ANXA13: variants seen among roughly 807,000 people sequenced by gnomAD.
ANXA13 encodes the protein annexin XIII.
A neutral mutation model predicts 46.6 loss-of-function variants in ANXA13; 36 were observed. That is an observed-to-expected ratio of 0.77 (90% confidence interval 0.59 to 1.02). ANXA13 has a LOEUF of 1.02. ANXA13 is among the 50% of genes least tolerant of loss of function. The pLI is 0.00. For synonymous variants in ANXA13, 163 were observed against 152.9 expected (o/e 1.07, Z -0.49); for missense variants, 417 against 396.5 (o/e 1.05, Z -0.44).
At chr8:123,685,168 C>T (rs1813118203) in intron 9 of ANXA13, among the ~76,000 whole-genome samples, 1 of 152,186 alleles carries the variant, frequency 6.6e-6, no homozygotes, top group African/African-American at 2.4e-5. Flanking sequence ...AACAACCTCC[C>T]TACTCTTTGT....
At chr8:123,716,550 T>C (rs1813762335) in intron 1 of ANXA13, among the ~76,000 whole-genome samples, 1 of 152,088 alleles carries the variant, frequency 6.6e-6, no homozygotes, top group South Asian at 2.1e-4. Flanking sequence ...GGATATTTGA[T>C]GTCGAAGTGA....
Position 123,733,497 on chromosome 8 carries a change from C to T in ANXA13, c.15+3823G>A, listed in dbSNP as rs117473519. Among the ~76,000 whole-genome samples, 2,778 of 152,276 alleles carry T rather than the reference C, an allele frequency of 0.018. 165 individuals are homozygous for T. In the East Asian group the frequency reaches 0.19, roughly 10 times the overall value. On this transcript the variant is annotated intron_variant, in intron 1 of 10. Transcript: ENST00000419625. ...CTGAGTGTTCACCTTGCCTGGTGTTCACCTGCCACAAGTCCCAAACTGTTC... is the reference window on the plus strand; with the variant it reads ...CTGAGTGTTCACCTTGCCTGGTGTTTACCTGCCACAAGTCCCAAACTGTTC...
At position 123,688,895 on chromosome 8, in the gene ANXA13, A is replaced by C. The variant is rs201252513; in HGVS notation, c.694T>G (p.Leu232Val). The C allele has an allele frequency of 6.2e-7, 1 of 1,613,880 alleles. No homozygotes were observed. The highest frequency in any genetic ancestry group is 2.2e-5 in the East Asian group (1 of 44,872). The change falls in exon 9 of 11, where the codon TTG (leucine) becomes GTG (valine). Residue 232 changes from leucine to valine, a missense_variant. By Grantham distance (32) the Leu-to-Val change is conservative. Coordinates refer to ENST00000419625, the MANE Select transcript of ANXA13 (RefSeq NM_004306.4). ...CCGAGAGTTAAATAGGCCTTCTGCA[A>C]GTCGCCTGATGTTTCTTCTTCAATG... Reference protein sequence around the residue: ...EAIEEETSGDLQKAYLTLVRC... With the variant: ...EAIEEETSGDVQKAYLTLVRC...
intron 2 of ANXA13, among the ~76,000 whole-genome samples, chr8:123,704,639 C>T (rs1586324199): frequency 6.6e-6 from 1 of 152,086 alleles, no homozygotes; most frequent in Non-Finnish European, 1.5e-5. Flanking sequence ...TCAGGTGATC[C>T]ACCTGCCTCA....
chr8:123,702,845 G>A (rs1813469751), intron 2 of ANXA13, 109 bp from the exon 3 acceptor site: 4 of 962,586 alleles, frequency 4.2e-6, no homozygotes, highest in East Asian at 2.4e-5. Context: ...GGTGGTTGGA[G>A]GTGTCTATGG....
chr8:123,699,244 A>G (rs1284342040), intron 3 of ANXA13, among the ~76,000 whole-genome samples: 1 of 152,136 alleles, frequency 6.6e-6, no homozygotes, highest in East Asian at 1.9e-4. Context: ...CAGTGGTGCA[A>G]TCATGGCTCA....
intron 1 of ANXA13, among the ~76,000 whole-genome samples, chr8:123,735,037 T>G (rs754445178): frequency 6.8e-6 from 1 of 147,126 alleles, no homozygotes; most frequent in Non-Finnish European, 1.5e-5. Context: ...AACTCAGAAG[T>G]CACATACCAC....
At chr8:123,705,614 C>T (rs946679850) in intron 2 of ANXA13, among the ~76,000 whole-genome samples, 2 of 152,220 alleles carry the variant, frequency 1.3e-5, no homozygotes, top group Non-Finnish European at 2.9e-5. Context: ...TAGGGAGTGG[C>T]CACTACATGG....
At chr8:123,732,040 G>A (rs1814128600) in intron 1 of ANXA13, among the ~76,000 whole-genome samples, 1 of 152,156 alleles carries the variant, frequency 6.6e-6, no homozygotes, top group African/African-American at 2.4e-5. Flanking sequence ...AGATGACGAG[G>A]TGATGATTCA....
rs550139275 is a variant in ANXA13 at position 123,698,396 on chromosome 8, G to C, written c.350C>G (p.Thr117Ser). 7.0e-5 allele frequency: 113 copies of C among 1,614,036 alleles called. No homozygotes were observed. In the South Asian group the frequency reaches 1.2e-3, roughly 17 times the overall value. ...SVLIEVLCTR[T>S]NKEIIAIKEA... is the part of the protein sequence containing the mutation. ...GGCTCAGCTGGGACTGACCTTATTG[G>C]TCCTCGTGCACAGGACCTCAATGAG... Residue 117 changes from threonine (T) to serine (S), a missense_variant, in exon 4 of 11, where the codon ACC becomes AGC. Physicochemically the swap from Thr to Ser is moderately conservative, Grantham distance 58. Coordinates refer to ENST00000419625, the MANE Select transcript of ANXA13 (RefSeq NM_004306.4).
chr8:123,724,043 G>A (rs764593524), intron 1 of ANXA13, among the ~76,000 whole-genome samples: 1 of 152,190 alleles, frequency 6.6e-6, no homozygotes, highest in South Asian at 2.1e-4. Context: ...AATGGAACAG[G>A]AAACTTATCT....
At chr8:123,712,500 G>A (rs1047954636) in intron 2 of ANXA13, 178 bp downstream of exon 2, 6 of 616,418 alleles carry the variant, frequency 9.7e-6, no homozygotes, top group Non-Finnish European at 1.5e-5. Context: ...AAAAGTAATA[G>A]GATCCTACTG....
chr8:123,696,948 C>T lies in ANXA13; in HGVS notation c.358-1227G>A, dbSNP rs187752239. ...TTTTTGAGACGAAGTCTCGCTCTGT[C>T]GCTCAGGCTGGAGTGCAGTGGCACA... On this transcript the variant is annotated intron_variant, in intron 4 of 10. Coordinates refer to ENST00000419625, the MANE Select transcript of ANXA13 (RefSeq NM_004306.4). Among the ~76,000 whole-genome samples, 430 of 152,308 alleles carry T rather than the reference C, an allele frequency of 2.8e-3. 9 individuals are homozygous for T. The highest frequency in any genetic ancestry group is 1.2e-3 in the Non-Finnish European group (80 of 68,032).
In ANXA13 at chr8:123,690,799, G is replaced by A. The variant is rs1035412502; in HGVS notation, c.643-1853C>T. 2.0e-5 allele frequency among the ~76,000 whole-genome samples: 3 copies of A among 152,168 alleles called. No individual in the cohort carries two copies. Among genetic ancestry groups the A allele is most frequent in the Admixed American group, 1.3e-4 (2 of 15,286 alleles). On this transcript the variant is annotated intron_variant, in intron 8 of 10. Coordinates refer to ENST00000419625, the MANE Select transcript of ANXA13 (RefSeq NM_004306.4). This position sits in a 1 kb window ranked among gnomAD's most constrained non-coding sequence, Gnocchi z 4.6. ...TGAAAATCGGTTTCCCCAAATGGACGGCACGCTGACAGCAGAGCCCTCTGT... is the reference window on the plus strand; with the variant it reads ...TGAAAATCGGTTTCCCCAAATGGACAGCACGCTGACAGCAGAGCCCTCTGT...
At chr8:123,683,618 G>A (rs1224339616) in intron 10 of ANXA13, among the ~76,000 whole-genome samples, 2 of 130,300 alleles carry the variant, frequency 1.5e-5, no homozygotes, top group Non-Finnish European at 3.1e-5. Flanking sequence ...ACCGAGTCTC[G>A]CTCTGTTACT....
chr8:123,691,086 C>T (rs1813233267), intron 8 of ANXA13, among the ~76,000 whole-genome samples: 4 of 152,154 alleles, frequency 2.6e-5, no homozygotes, highest in African/African-American at 9.7e-5. Context: ...GTTGCGTGGC[C>T]TGGGATTGCT....
At chr8:123,714,009 C>T (rs183793841) in intron 1 of ANXA13, among the ~76,000 whole-genome samples, 1 of 152,298 alleles carries the variant, frequency 6.6e-6, no homozygotes, top group Admixed American at 6.5e-5. Flanking sequence ...ATATATTTTC[C>T]ATCCTTCAGT....
chr8:123,681,619 C>CTTTTTTT (rs5894670), intron 10 of ANXA13, among the ~76,000 whole-genome samples: 3 of 107,038 alleles, frequency 2.8e-5, no homozygotes, highest in Non-Finnish European at 3.7e-5. Context: ...TCTTGAATTT[C>CTTTTTTT]TTTTTTTTTT....
At chr8:123,685,737 G>A (rs570545806) in intron 9 of ANXA13, among the ~76,000 whole-genome samples, 1 of 152,266 alleles carries the variant, frequency 6.6e-6, no homozygotes, top group East Asian at 1.9e-4. Context: ...CAGGCCATGT[G>A]GCAGCTGCCA....
Sources: allele counts gnomAD v4.1 joint callset (sites outside exome capture counted in the v4.1 genomes callset), GRCh38; gene constraint gnomAD v4.1.1; non-coding constraint Gnocchi (gnomAD v3.1); transcripts MANE v1.5; gene names NCBI Gene and HGNC (gene_info 2026-07-23, HGNC 2026-07-21).